The following ASTN2 variants were observed in gnomAD, a reference collection of about 807,000 sequenced individuals.
ASTN2 encodes the protein astrotactin-2.
Under a neutral mutation model 139.8 loss-of-function variants are expected in ASTN2, and 54 were observed. The observed-to-expected ratio is 0.39, with a 90% CI of 0.31 to 0.48. ASTN2 has a LOEUF of 0.48. Ranked by LOEUF, ASTN2 falls within the 20% of genes least tolerant of loss-of-function variation. ASTN2 has a pLI of 0.95. For synonymous variants in ASTN2, 756 were observed against 719.5 expected, an observed-to-expected ratio of 1.05 and a Z score of -0.81; for missense variants, 1,565 against 1,725.1, an observed-to-expected ratio of 0.91 and a Z score of 1.64.
intron 3 of ASTN2, chr9:117,180,774 G>A: frequency 1.3e-6 from 2 of 1,560,186 alleles, no homozygotes; most frequent in Non-Finnish European, 1.7e-6. Flanking sequence ...AGCCATCAGG[G>A]ATGAGCTGCT....
At chr9:116,938,085 A>G (rs1835127053) in intron 10 of ASTN2, among the ~76,000 whole-genome samples, 1 of 152,230 alleles carries the variant, frequency 6.6e-6, no homozygotes, top group Admixed American at 6.5e-5. Context: ...TCAATCATGC[A>G]GTGGAGTGAC....
chr9:117,385,093 T>A (rs1002614779), intron 1 of ASTN2, among the ~76,000 whole-genome samples: 2 of 152,172 alleles, frequency 1.3e-5, no homozygotes, highest in Non-Finnish European at 2.9e-5. Flanking sequence ...GATTCTTCAC[T>A]TCAGGAAAAA....
chr9:116,443,142 G>A (rs1343846475), intron 20 of ASTN2, among the ~76,000 whole-genome samples: 2 of 152,204 alleles, frequency 1.3e-5, no homozygotes, highest in Non-Finnish European at 2.9e-5. Flanking sequence ...TGGGGAGTAT[G>A]GGCTTTGGGA....
At chr9:117,038,316 A>T (rs190738251) in intron 6 of ASTN2, among the ~76,000 whole-genome samples, 37 of 152,250 alleles carry the variant, frequency 2.4e-4, no homozygotes, top group African/African-American at 4.6e-4. Context: ...AAAATGCAAA[A>T]TTTTTTTAAA....
chr9:116,501,363 C>T (rs1849847655), intron 19 of ASTN2, among the ~76,000 whole-genome samples: 1 of 152,150 alleles, frequency 6.6e-6, no homozygotes, highest in East Asian at 1.9e-4. Context: ...TCCAGTCTAT[C>T]ATTGTTGGAC....
chr9:116,509,864 T>C (rs1286780450), intron 19 of ASTN2, among the ~76,000 whole-genome samples: 1 of 152,206 alleles, frequency 6.6e-6, no homozygotes, highest in Non-Finnish European at 1.5e-5. Flanking sequence ...TTTCTTTTTT[T>C]CTTGTAAATT....
At chr9:116,454,945 A>T (rs1257846594) in intron 20 of ASTN2, among the ~76,000 whole-genome samples, 2 of 152,154 alleles carry the variant, frequency 1.3e-5, no homozygotes, top group African/African-American at 4.8e-5. Context: ...GCAAATGAAA[A>T]GTTAATGGGT....
chr9:116,755,077 C>G (rs1449585836), intron 13 of ASTN2, among the ~76,000 whole-genome samples: 2 of 152,156 alleles, frequency 1.3e-5, no homozygotes, highest in African/African-American at 4.8e-5. Context: ...GCCACCAACT[C>G]CGGCTTCTAA....
At chr9:117,183,113 T>C (rs1831115580) in intron 3 of ASTN2, among the ~76,000 whole-genome samples, 1 of 152,200 alleles carries the variant, frequency 6.6e-6, no homozygotes, top group African/African-American at 2.4e-5. Context: ...TCCCAGAGCA[T>C]GCAGTATGTT....
At chr9:117,087,474 C>T (rs1828597325) in intron 5 of ASTN2, among the ~76,000 whole-genome samples, 1 of 152,142 alleles carries the variant, frequency 6.6e-6, no homozygotes, top group African/African-American at 2.4e-5. Context: ...GTAATCCACC[C>T]ACCCTGGCCT....
rs76093120 is a variant in ASTN2, at chr9:116,769,418, T to G, written c.2397-35895A>C. Among the ~76,000 whole-genome samples the G allele has an allele frequency of 1.2e-4, 18 of 152,220 alleles. No individual in the cohort carries two copies. The East Asian group carries it at 3.1e-3, about 26-fold the overall frequency. On this transcript the variant is annotated intron_variant, in intron 13 of 22. Coordinates refer to ENST00000313400, the MANE Select transcript of ASTN2 (RefSeq NM_001365068.1). ...GGAAGTGGAGACCATTTGCATAGAT[T>G]TCTCTTTCTAGAAGGCTGGCTGTGA...
At chr9:117,015,732 A>T (rs1230648460) in intron 6 of ASTN2, among the ~76,000 whole-genome samples, 1 of 152,202 alleles carries the variant, frequency 6.6e-6, no homozygotes, top group Non-Finnish European at 1.5e-5. Context: ...TTTTAAGGAC[A>T]GTCAACCTCT....
intron 19 of ASTN2, among the ~76,000 whole-genome samples, chr9:116,578,003 C>A (rs1853791613): frequency 6.6e-6 from 1 of 152,058 alleles, no homozygotes; most frequent in Admixed American, 6.5e-5. Context: ...TGTTATAAAC[C>A]ACACTAAGAA....
At chr9:116,815,991 G>A (rs1163932405) in intron 12 of ASTN2, among the ~76,000 whole-genome samples, 1 of 151,790 alleles carries the variant, frequency 6.6e-6, no homozygotes, top group Non-Finnish European at 1.5e-5. Context: ...TCCACTATGG[G>A]TATTTTTTCT....
intron 1 of ASTN2, among the ~76,000 whole-genome samples, chr9:117,376,824 G>A (rs972392956): frequency 1.3e-5 from 2 of 152,036 alleles, no homozygotes; most frequent in African/African-American, 4.8e-5. Flanking sequence ...CTCAATAAAT[G>A]GTAGGCATTT....
In ASTN2 at chr9:117,173,049, T is replaced by A. The variant is rs1436966633; in HGVS notation, c.1016-31571A>T. 5.9e-5 allele frequency among the ~76,000 whole-genome samples: 9 copies of A among 152,220 alleles called. No homozygotes were observed. In the South Asian group the frequency reaches 1.9e-3, roughly 32 times the overall value. On this transcript the variant is annotated intron_variant, in intron 3 of 22. Transcript: ENST00000313400. The stretch of plus-strand genomic sequence containing the variant: ...GTTCTTCTAGACTTAGATTTTCTCA[T>A]TTATAAAATAAGGAAAGGGATAAAA...
At chr9:116,976,905 G>C (rs1836355930) in intron 7 of ASTN2, 120 bp from the exon 8 acceptor site, 2 of 777,434 alleles carry the variant, frequency 2.6e-6, no homozygotes, top group East Asian at 2.7e-5. Flanking sequence ...AAGGCACATG[G>C]AAAGAGGGTA....
chr9:117,263,634 G>C (rs1233428952), intron 2 of ASTN2, among the ~76,000 whole-genome samples: 1 of 152,166 alleles, frequency 6.6e-6, no homozygotes, highest in Non-Finnish European at 1.5e-5. Context: ...AATTGAAGTA[G>C]TGATCCTCAT....
intron 4 of ASTN2, among the ~76,000 whole-genome samples, chr9:117,103,858 A>AC (rs1464007931): frequency 6.6e-6 from 1 of 152,172 alleles, no homozygotes; most frequent in Non-Finnish European, 1.5e-5. Flanking sequence ...AACTTCCCAC[A>AC]CCCCCTATAC....
Sources: gnomAD v4.1 joint callset for allele counts (sites outside exome capture counted in the v4.1 genomes callset) on GRCh38, gnomAD v4.1.1 for gene constraint, MANE v1.5 for transcripts, NCBI Gene and HGNC (gene_info 2026-07-23, HGNC 2026-07-21) for gene names.